EDARADD: variants seen among roughly 807,000 people sequenced by gnomAD.
EDARADD encodes the protein EDAR associated via death domain.
In EDARADD, 20 loss-of-function variants were observed where a neutral mutation model predicts 25.6. That is an observed-to-expected ratio of 0.78 (90% CI 0.55 to 1.14). EDARADD has a LOEUF of 1.14. Among genes scored for constraint, EDARADD ranks in the 50% most tolerant of loss-of-function variants. EDARADD has a pLI of 0.00. For synonymous variants in EDARADD, 86 were observed against 94.4 expected (o/e 0.91, Z 0.52); for missense variants, 225 against 270.1 (o/e 0.83, Z 1.17).
intron 4 of EDARADD, among the ~76,000 whole-genome samples, chr1:236,458,031 G>A (rs1287820356): frequency 2.0e-5 from 3 of 152,204 alleles, no homozygotes; most frequent in African/African-American, 4.8e-5. Context: ...AACTTCACAA[G>A]AAGGTTAGAA....
intron 4 of EDARADD, among the ~76,000 whole-genome samples, chr1:236,435,547 G>A (rs1430241669): frequency 6.6e-6 from 1 of 152,224 alleles, no homozygotes; most frequent in Non-Finnish European, 1.5e-5. Context: ...GAGGCACAGC[G>A]TGGTCAAGAG....
chr1:236,470,122 T>C (rs1659319256), intron 5 of EDARADD, among the ~76,000 whole-genome samples: 1 of 152,182 alleles, frequency 6.6e-6, no homozygotes, highest in South Asian at 2.1e-4. Flanking sequence ...TCCACTATCC[T>C]ATATTTCTAA....
At position 236,484,157 on chromosome 1, in the gene EDARADD, C is replaced by A; in HGVS notation, c.*1508C>A. The A allele has an allele frequency of 7.5e-7, 1 of 1,330,836 alleles. No homozygotes were observed. Among genetic ancestry groups the A allele is most frequent in the Non-Finnish European group, 1.1e-6 (1 of 922,744 alleles). The allele number at this position is 1,330,836 out of a possible 1,614,324, so 82.4% of individuals were successfully genotyped here. A position where few individuals can be genotyped will look rare whatever the true frequency, so the allele number is the denominator to read the frequency against. On this transcript the variant is annotated 3_prime_UTR_variant, in exon 6 of 6. Transcript: ENST00000334232. This position sits in a 1 kb window ranked among gnomAD's most constrained non-coding sequence, Gnocchi z 4.1. ...CCAACCCAAAGAGGACAGCCTCGGCCGTGAATGAGAAGAAGTGCAACTGCC... is the reference window on the plus strand; with the variant it reads ...CCAACCCAAAGAGGACAGCCTCGGCAGTGAATGAGAAGAAGTGCAACTGCC...
At chr1:236,371,201 G>A (rs1667168738) in intron 3 of EDARADD, among the ~76,000 whole-genome samples, 1 of 152,284 alleles carries the variant, frequency 6.6e-6, no homozygotes, top group African/African-American at 2.4e-5. Context: ...ATGGTACTGT[G>A]TTTTTAATTT....
chr1:236,454,146 A>G (rs548256766), intron 4 of EDARADD, among the ~76,000 whole-genome samples: 1 of 152,262 alleles, frequency 6.6e-6, no homozygotes, highest in African/African-American at 2.4e-5. Context: ...CCCGGGTTCA[A>G]GCAATTCTCC....
chr1:236,361,550 G>C (rs1048096869), intron 3 of EDARADD, among the ~76,000 whole-genome samples: 1 of 150,500 alleles, frequency 6.6e-6, no homozygotes, highest in African/African-American at 2.5e-5. Context: ...GGCTGGTCTC[G>C]AACTCCTGAC....
At chr1:236,353,890 G>T (rs1007734616) in intron 3 of EDARADD, among the ~76,000 whole-genome samples, 5 of 150,820 alleles carry the variant, frequency 3.3e-5, no homozygotes, top group Non-Finnish European at 5.9e-5. Flanking sequence ...TAAAAAAAAA[G>T]TTTTTTTTTG....
chr1:236,400,407 T>A (rs1351151183), intron 1 of EDARADD, among the ~76,000 whole-genome samples: 1 of 152,084 alleles, frequency 6.6e-6, no homozygotes, highest in African/African-American at 2.4e-5. Flanking sequence ...CAGCCCCTGC[T>A]GCGGGGTCTG....
At chr1:236,454,270 G>A (rs909033330) in intron 4 of EDARADD, among the ~76,000 whole-genome samples, 3 of 152,044 alleles carry the variant, frequency 2.0e-5, no homozygotes, top group Non-Finnish European at 2.9e-5. Context: ...AGATGGTCTC[G>A]ATCTCCTGAC....
chr1:236,354,230 G>A (rs930598140), intron 3 of EDARADD, among the ~76,000 whole-genome samples: 3 of 152,164 alleles, frequency 2.0e-5, no homozygotes, highest in African/African-American at 7.2e-5. Flanking sequence ...ACCTTGGCTT[G>A]TGCACAAATG....
chr1:236,422,164 A>G (rs189332480), intron 3 of EDARADD, among the ~76,000 whole-genome samples: 2 of 152,330 alleles, frequency 1.3e-5, no homozygotes, highest in Admixed American at 1.3e-4. Context: ...TGAAGATTTC[A>G]TTATGCCTCT....
intron 3 of EDARADD, among the ~76,000 whole-genome samples, chr1:236,380,236 G>A (rs976453396): frequency 6.6e-6 from 1 of 152,176 alleles, no homozygotes; most frequent in African/African-American, 2.4e-5. Flanking sequence ...AAGTGCTAAA[G>A]GTGTAAGTTG....
chr1:236,370,039 A>T (rs1667157293), intron 3 of EDARADD, among the ~76,000 whole-genome samples: 1 of 152,132 alleles, frequency 6.6e-6, no homozygotes, highest in African/African-American at 2.4e-5. Flanking sequence ...TCTGTTCAGA[A>T]GTCCCTATTA....
intron 5 of EDARADD, among the ~76,000 whole-genome samples, chr1:236,474,539 CCCTCT>C (rs1659451513): frequency 6.6e-6 from 1 of 152,152 alleles, no homozygotes; most frequent in African/African-American, 2.4e-5. Flanking sequence ...TATTCAACAA[CCCTCT>C]CCTCTCCAAA....
At chr1:236,435,648 AG>A (rs1274401078) in intron 4 of EDARADD, among the ~76,000 whole-genome samples, 3 of 152,234 alleles carry the variant, frequency 2.0e-5, no homozygotes, top group Non-Finnish European at 4.4e-5. Context: ...AAATTCATTA[AG>A]GTAGCAAAGA....
chr1:236,447,710 T>A (rs896280662), intron 4 of EDARADD, among the ~76,000 whole-genome samples: 1 of 151,140 alleles, frequency 6.6e-6, no homozygotes, highest in Non-Finnish European at 1.5e-5. Flanking sequence ...AAGTGCCTAT[T>A]AGTTAGTGGC....
intron 2 of EDARADD, among the ~76,000 whole-genome samples, chr1:236,350,126 A>G (rs1439092029): frequency 4.6e-5 from 7 of 152,160 alleles, no homozygotes; most frequent in Non-Finnish European, 1.0e-4. Flanking sequence ...AACAAAAAAG[A>G]ACAATGAAGA....
chr1:236,434,881 C>G (rs568196079), intron 4 of EDARADD, among the ~76,000 whole-genome samples: 3 of 151,922 alleles, frequency 2.0e-5, no homozygotes, highest in Admixed American at 6.6e-5. Context: ...GGCTTAAAAG[C>G]CTGTGCCTGG....
At chr1:236,363,002 AAAAAATATATAT>A (rs1304142627) in intron 3 of EDARADD, among the ~76,000 whole-genome samples, 6 of 58,208 alleles carry the variant, frequency 1.0e-4, no homozygotes, top group Non-Finnish European at 1.5e-4. Flanking sequence ...AAAAAAAAAA[AAAAAATATATAT>A]ATATATATAT....
Sources: gnomAD v4.1 joint callset for allele counts (sites outside exome capture counted in the v4.1 genomes callset) on GRCh38, gnomAD v4.1.1 for gene constraint, Gnocchi (gnomAD v3.1) non-coding constraint, MANE v1.5 for transcripts, NCBI Gene and HGNC (gene_info 2026-07-23, HGNC 2026-07-21) for gene names.